DIP2C: variants seen among roughly 807,000 people sequenced by gnomAD.
DIP2C encodes the protein DIP2 acetate--CoA ligase C (putative).
A neutral mutation model predicts 192.4 loss-of-function variants in DIP2C; 33 were observed. The ratio of observed to expected loss-of-function variants is 0.17; its 90% CI spans 0.13 to 0.23. The LOEUF is 0.23. DIP2C is among the 10% of genes least tolerant of loss of function. The pLI is 1.00. For missense variants in DIP2C, 1,537 were observed against 2,110.1 expected, an observed-to-expected ratio of 0.73 and a Z score of 5.32; for synonymous variants, 979 against 864.1, an observed-to-expected ratio of 1.13 and a Z score of -2.33.
chr10:347,290 G>GAAACCCCACACACACCCAACCCA (rs1958525408), intron 26 of DIP2C, among the ~76,000 whole-genome samples: 1 of 110,444 alleles, frequency 9.1e-6, no homozygotes. Context: ...AGTTCTCCCG[G>GAAACCCCACACACACCCAACCCA]GAACCCCACA....
At chr10:482,299 G>A (rs1843668922) in intron 2 of DIP2C, among the ~76,000 whole-genome samples, 1 of 152,166 alleles carries the variant, frequency 6.6e-6, no homozygotes, top group South Asian at 2.1e-4. Flanking sequence ...CAAGCCTGCA[G>A]GCCAGAGGCC....
At chr10:564,733 C>G (rs1849373601) in intron 1 of DIP2C, among the ~76,000 whole-genome samples, 1 of 152,272 alleles carries the variant, frequency 6.6e-6, no homozygotes, top group East Asian at 1.9e-4. Context: ...CCAGCAGACA[C>G]CAGGCACTGC....
At chr10:300,550 C>G (rs1023880274) in intron 32 of DIP2C, among the ~76,000 whole-genome samples, 1 of 152,100 alleles carries the variant, frequency 6.6e-6, no homozygotes, top group Non-Finnish European at 1.5e-5. Context: ...GAAACCAGAA[C>G]CAGGAGCAGC....
At chr10:688,482 C>T (rs185436537) in intron 1 of DIP2C, among the ~76,000 whole-genome samples, 1 of 152,248 alleles carries the variant, frequency 6.6e-6, no homozygotes, top group Non-Finnish European at 1.5e-5. Context: ...TTTCTGGCTG[C>T]CGGCCCTCAC....
chr10:538,636 G>T (rs1178088673), intron 1 of DIP2C, among the ~76,000 whole-genome samples: 1 of 152,074 alleles, frequency 6.6e-6, no homozygotes, highest in South Asian at 2.1e-4. Flanking sequence ...CAGTGTTTTG[G>T]GTTTTTGTTG....
intron 1 of DIP2C, among the ~76,000 whole-genome samples, chr10:674,168 A>T (rs1830773922): frequency 1.3e-5 from 2 of 152,330 alleles, no homozygotes; most frequent in African/African-American, 4.8e-5. Context: ...AGACTGGCTG[A>T]GTGGATTTAA....
chr10:576,544 T>C (rs1432458769), intron 1 of DIP2C, among the ~76,000 whole-genome samples: 7 of 152,218 alleles, frequency 4.6e-5, no homozygotes, highest in Non-Finnish European at 8.8e-5. Context: ...ACCACATTCA[T>C]TTCAATTGTG....
At position 401,354 on chromosome 10, in the gene DIP2C, G is replaced by A. The variant is rs532953298; in HGVS notation, c.1150-2135C>T. Among the ~76,000 whole-genome samples, 158 of 151,582 alleles carry A rather than the reference G, an allele frequency of 1.0e-3. 2 individuals carry two copies. Among genetic ancestry groups the A allele is most frequent in the African/African-American group, 3.8e-3 (156 of 41,266 alleles). ...TGAATCCTATGATTTTACATGTGTG[G>A]TAGCATTAGCATTACTCTTCCTTAT... On this transcript the variant is annotated intron_variant, in intron 9 of 36. Coordinates refer to ENST00000280886, the MANE Select transcript of DIP2C (RefSeq NM_014974.3).
At chr10:538,660 A>C (rs1847825147) in intron 1 of DIP2C, among the ~76,000 whole-genome samples, 1 of 152,204 alleles carries the variant, frequency 6.6e-6, no homozygotes, top group South Asian at 2.1e-4. Context: ...TTCTCTAGCC[A>C]AACTTAAGAA....
chr10:355,090 C>T (rs1959013021), intron 24 of DIP2C, among the ~76,000 whole-genome samples: 1 of 152,118 alleles, frequency 6.6e-6, no homozygotes, highest in Admixed American at 6.5e-5. Context: ...CTCCAGTCCT[C>T]AAGATCTCCG....
At chr10:419,582 C>T (rs887800841) in intron 5 of DIP2C, among the ~76,000 whole-genome samples, 7 of 152,168 alleles carry the variant, frequency 4.6e-5, no homozygotes, top group African/African-American at 1.7e-4. Context: ...ATTGGAAACC[C>T]GGCTCTGGAA....
At position 417,792 on chromosome 10, in the gene DIP2C, GCCTCCCTGTC is replaced by G. The variant is rs1965806207; in HGVS notation, c.739+1263_739+1272del. On this transcript the variant is annotated intron_variant, in intron 6 of 36. Coordinates refer to ENST00000280886, the MANE Select transcript of DIP2C (RefSeq NM_014974.3). ...CCTGCACCTGTCAGGGCTCGGATAG[GCCTCCCTGTC>G]CACCTGTTCCTGTCAGGGCGCGGAC... is the stretch of plus-strand genomic sequence containing the variant. 2.7e-5 allele frequency among the ~76,000 whole-genome samples: 3 copies of G among 111,156 alleles called. 1 individual carries two copies. Among genetic ancestry groups the G allele is most frequent in the African/African-American group, 1.2e-4 (3 of 24,090 alleles). The allele number at this position is 111,156 out of a possible 152,430, so 72.9% of individuals were successfully genotyped here. A position where few individuals can be genotyped will look rare whatever the true frequency, so the allele number is the denominator to read the frequency against.
chr10:310,497 C>G (rs941582570), intron 31 of DIP2C, among the ~76,000 whole-genome samples: 1 of 152,174 alleles, frequency 6.6e-6, no homozygotes, highest in African/African-American at 2.4e-5. Flanking sequence ...TTTGAGGGCC[C>G]AGGACAGTGA....
rs565481512 is a variant in DIP2C at position 381,074 on chromosome 10, C to G, written c.1991+1573G>C. Among the ~76,000 whole-genome samples, 10 of 152,314 alleles carry G rather than the reference C, an allele frequency of 6.6e-5. No individual in the cohort carries two copies. In the South Asian group the frequency reaches 2.1e-3, roughly 32 times the overall value. ...CAAATTTATTCAAAAGTAACTTAAA[C>G]ATCAGGGTAACGAAAGGTACAGGTT... On this transcript the variant is annotated intron_variant, in intron 17 of 36. Transcript: ENST00000280886.
intron 32 of DIP2C, among the ~76,000 whole-genome samples, chr10:301,997 G>T (rs955119625): frequency 4.6e-5 from 7 of 152,134 alleles, no homozygotes; most frequent in African/African-American, 1.7e-4. Flanking sequence ...TAGACTGCAA[G>T]TTCTATTTAA....
chr10:392,543 C>T (rs1194282464), intron 10 of DIP2C, among the ~76,000 whole-genome samples: 1 of 152,220 alleles, frequency 6.6e-6, no homozygotes, highest in Non-Finnish European at 1.5e-5. Flanking sequence ...GGGCCTGCTG[C>T]TCCTCCGCAC....
intron 1 of DIP2C, among the ~76,000 whole-genome samples, chr10:655,291 G>A (rs916900181): frequency 4.6e-5 from 7 of 152,142 alleles, no homozygotes; most frequent in Admixed American, 2.0e-4. Context: ...CTCAGTCTTC[G>A]ATGTCCATGT....
rs112972659 is a variant in DIP2C at position 472,727 on chromosome 10, C to T, written c.158-178G>A. ...CAGGACTGAGGAGGAAGCTCTCCCA[C>T]CGCCAGGGAGACCCCTCCTGGCTAG... On this transcript the variant is annotated intron_variant, in intron 2 of 36. Transcript: ENST00000280886. Among the ~76,000 whole-genome samples the T allele has an allele frequency of 3.2e-3, 491 of 152,312 alleles. 2 individuals are homozygous for T. The highest frequency in any genetic ancestry group is 6.2e-3 in the East Asian group (32 of 5,178).
intron 1 of DIP2C, among the ~76,000 whole-genome samples, chr10:593,995 C>T (rs964111901): frequency 6.6e-6 from 1 of 152,232 alleles, no homozygotes; most frequent in Non-Finnish European, 1.5e-5. Context: ...CGGAACTGGC[C>T]GTGGAACCAG....
Sources: allele counts gnomAD v4.1 joint callset (sites outside exome capture counted in the v4.1 genomes callset), GRCh38; gene constraint gnomAD v4.1.1; transcripts MANE v1.5; gene names NCBI Gene and HGNC (gene_info 2026-07-23, HGNC 2026-07-21).